The following NGFR variants were observed in gnomAD, a reference collection of about 807,000 sequenced individuals.
NGFR encodes the protein nerve growth factor receptor.
NGFR carries 30 observed loss-of-function variants against 43.2 expected under a neutral mutation model. The observed-to-expected ratio is 0.69, with a 90% CI of 0.52 to 0.94. The LOEUF is 0.94. NGFR is among the 40% of genes least tolerant of loss of function. NGFR has a pLI of 0.00. For synonymous variants in NGFR, 246 were observed against 259.6 expected (o/e 0.95, Z 0.50); for missense variants, 529 against 602.5 (o/e 0.88, Z 1.28).
chr17:49,508,690 A>T (rs1597863107), intron 3 of NGFR, among the ~76,000 whole-genome samples: 1 of 152,136 alleles, frequency 6.6e-6, no homozygotes, highest in East Asian at 1.9e-4. Context: ...GGCTGTCAGG[A>T]CCTGCCAAGG....
At chr17:49,506,687 T>TGGGGGTGC (rs1253125411) in intron 3 of NGFR, 29 bp downstream of exon 3, 2 of 128,440 alleles carry the variant, frequency 1.6e-5, no homozygotes, top group African/African-American at 2.5e-4. Flanking sequence ...GCGGGGGGAG[T>TGGGGGTGC]GGGGGTGCGG....
chr17:49,497,152 G>C (rs1322683775), intron 1 of NGFR: 1 of 152,228 alleles, frequency 6.6e-6, no homozygotes, highest in Non-Finnish European at 1.5e-5. Context: ...GGTCACGGCT[G>C]CGTTTCCCAG....
Position 49,506,969 on chromosome 17 carries a change from C to T in NGFR, c.568+311C>T, listed in dbSNP as rs1038827718. 9.8e-5 allele frequency among the ~76,000 whole-genome samples: 15 copies of T among 152,324 alleles called. No individual in the cohort carries two copies. In the South Asian group the frequency reaches 2.3e-3, roughly 23 times the overall value. On this transcript the variant is annotated intron_variant, in intron 3 of 5. Coordinates refer to ENST00000172229, the MANE Select transcript of NGFR (RefSeq NM_002507.4). The stretch of plus-strand genomic sequence containing the variant: ...GTAACTCATCCTCCGGGACGCATTT[C>T]TCTGTGGCTTCCCGCTAGTGATTAG...
At chr17:49,504,821 G>C (rs2071187647) in intron 2 of NGFR, among the ~76,000 whole-genome samples, 1 of 140,604 alleles carries the variant, frequency 7.1e-6, no homozygotes, top group Non-Finnish European at 1.5e-5. Flanking sequence ...ACCCAGGCTG[G>C]AGTGCACTGG....
At position 49,512,949 on chromosome 17, in the gene NGFR, C is replaced by G. The variant is rs763059142; in HGVS notation, c.1224C>G (p.Ile408Met). 6.2e-7 allele frequency: 1 copy of G among 1,609,830 alleles called. No individual in the cohort carries two copies. Among genetic ancestry groups the G allele is most frequent in the Non-Finnish European group, 8.5e-7 (1 of 1,178,234 alleles). ...LDALLAALRR[I>M]QRADLVESLC... Reference sequence around the variant, plus strand: ...CCCTCCTGGCCGCCCTGCGCCGCATCCAGCGAGCCGACCTCGTGGAGAGTC... The same window carrying G: ...CCCTCCTGGCCGCCCTGCGCCGCATGCAGCGAGCCGACCTCGTGGAGAGTC... Residue 408 changes from isoleucine to methionine, a missense_variant, in exon 6 of 6, where the codon ATC becomes ATG. Transcript: ENST00000172229. The surrounding 1 kb of genome is among the most constrained non-coding windows in gnomAD (Gnocchi z 5.2).
In NGFR at chr17:49,495,854, G is replaced by C; in HGVS notation, c.66+371G>C. The stretch of plus-strand genomic sequence containing the variant: ...GAAGGGACTTTCCCCTCAGCATCTC[G>C]GTCTCTGGAGAGTCGTGGGACAGAA... On this transcript the variant is annotated intron_variant, in intron 1 of 5. Coordinates refer to ENST00000172229, the MANE Select transcript of NGFR (RefSeq NM_002507.4). This position sits in a 1 kb window ranked among gnomAD's most constrained non-coding sequence, Gnocchi z 6.4. 4.3e-6 allele frequency: 1 copy of C among 232,876 alleles called. No homozygotes were observed. The highest frequency in any genetic ancestry group is 8.3e-6 in the Non-Finnish European group (1 of 120,338). 14.4% of individuals were successfully genotyped at this position (232,876 alleles called of 1,614,324 possible).
chr17:49,508,022 G>C (rs2071209959), intron 3 of NGFR, among the ~76,000 whole-genome samples: 1 of 152,366 alleles, frequency 6.6e-6, no homozygotes, highest in East Asian at 1.9e-4. Flanking sequence ...GGCTTTAGGA[G>C]CTCAGGATGG....
Position 49,506,092 on chromosome 17 carries a change from C to G in NGFR, c.209-207C>G, listed in dbSNP as rs780369810. On this transcript the variant is annotated intron_variant, in intron 2 of 5. Coordinates refer to ENST00000172229, the MANE Select transcript of NGFR (RefSeq NM_002507.4). ...CTTCTGGAGCCTGGAGGATGCGGCTCCGGGCCTCCTCCCCCTTTCCCAGTT... is the reference window on the plus strand; with the variant it reads ...CTTCTGGAGCCTGGAGGATGCGGCTGCGGGCCTCCTCCCCCTTTCCCAGTT... 4 of 996,510 alleles carry G rather than the reference C, an allele frequency of 4.0e-6. No homozygotes were observed. The South Asian group carries it at 9.2e-5, about 23-fold the overall frequency. 61.7% of individuals were successfully genotyped at this position (996,510 alleles called of 1,614,324 possible). A position where few individuals can be genotyped will look rare whatever the true frequency, so the allele number is the denominator to read the frequency against.
intron 3 of NGFR, 141 bp from the exon 4 acceptor site, chr17:49,510,271 G>A (rs554890664): frequency 8.0e-5 from 99 of 1,235,128 alleles, no homozygotes; most frequent in Admixed American, 4.8e-4. Context: ...CATCATGCAC[G>A]CAATCCCAGC....
chr17:49,502,827 CCT>C (rs1491303428), intron 2 of NGFR, among the ~76,000 whole-genome samples: 320 of 128,188 alleles, frequency 2.5e-3, no homozygotes, highest in African/African-American at 9.0e-3. Flanking sequence ...TTCCTTCCTT[CCT>C]TCCTTCCTTC....
In NGFR at chr17:49,512,138, C is replaced by T. The variant is rs1050408889; in HGVS notation, c.982+86C>T. 18 of 1,479,386 alleles carry T rather than the reference C, an allele frequency of 1.2e-5. 1 individual carries two copies. Among genetic ancestry groups the T allele is most frequent in the South Asian group, 9.3e-5 (7 of 75,616 alleles). 91.6% of individuals were successfully genotyped at this position (1,479,386 alleles called of 1,614,324 possible). On this transcript the variant is annotated intron_variant, in intron 5 of 5. Transcript: ENST00000172229. The surrounding 1 kb of genome is among the most constrained non-coding windows in gnomAD (Gnocchi z 5.2). ...AAGATTAGACTCCAGGAAGGACTGT[C>T]GGGGGGGCGGCAGGGCTGGCTCAGC... is the stretch of plus-strand genomic sequence containing the variant.
At chr17:49,502,448 C>A (rs2071172510) in intron 2 of NGFR, among the ~76,000 whole-genome samples, 1 of 152,104 alleles carries the variant, frequency 6.6e-6, no homozygotes, top group South Asian at 2.1e-4. Flanking sequence ...CAAGGGGTGC[C>A]CATTCCCAGC....
In NGFR at chr17:49,511,519, G is replaced by GTTT. The variant is rs761370884; in HGVS notation, c.822-361_822-359dup. Among the ~76,000 whole-genome samples, 88 of 141,472 alleles carry GTTT rather than the reference G, an allele frequency of 6.2e-4. 1 individual carries two copies. The highest frequency in any genetic ancestry group is 2.4e-3 in the South Asian group (11 of 4,494). The allele number at this position is 141,472 out of a possible 152,430, so 92.8% of individuals were successfully genotyped here. A position where few individuals can be genotyped will look rare whatever the true frequency, so the allele number is the denominator to read the frequency against. On this transcript the variant is annotated intron_variant, in intron 4 of 5. Transcript: ENST00000172229. ...AGCCAGTCCCCATTGATGGACATTTGTTTTTTTTTTTTTTCCAGTTTTTTG... is the reference window on the plus strand; with the variant it reads ...AGCCAGTCCCCATTGATGGACATTTGTTTTTTTTTTTTTTTTTCCAGTTTTTTG...
intron 1 of NGFR, among the ~76,000 whole-genome samples, chr17:49,499,657 G>A (rs1400329785): frequency 6.6e-6 from 1 of 152,000 alleles, no homozygotes; most frequent in Non-Finnish European, 1.5e-5. Flanking sequence ...GCACGATCTC[G>A]ACTCACTGCA....
chr17:49,513,329 C>A lies in NGFR; in HGVS notation c.*320C>A. 2.6e-6 allele frequency: 1 copy of A among 381,696 alleles called. No individual in the cohort carries two copies. The highest frequency in any genetic ancestry group is 5.2e-5 in the South Asian group (1 of 19,144). 23.6% of individuals were successfully genotyped at this position (381,696 alleles called of 1,614,324 possible). On this transcript the variant is annotated 3_prime_UTR_variant, in exon 6 of 6. Coordinates refer to ENST00000172229, the MANE Select transcript of NGFR (RefSeq NM_002507.4). ...CTAGGTGGGCCAGCCCCTCCCACCACAGCAGGTGTCATATATGGGGGGCCA... is the reference window on the plus strand; with the variant it reads ...CTAGGTGGGCCAGCCCCTCCCACCAAAGCAGGTGTCATATATGGGGGGCCA...
Position 49,506,429 on chromosome 17 carries a change from C to G in NGFR, c.339C>G (p.Tyr113Ter). The G allele has an allele frequency of 3.7e-6, 6 of 1,607,110 alleles. No homozygotes were observed. The highest frequency in any genetic ancestry group is 4.2e-6 in the Non-Finnish European group (5 of 1,178,762). Residue 113 changes from tyrosine (Y) to a stop codon, truncating the protein, a stop_gained, in exon 3 of 6, where the codon TAC (tyrosine) becomes TAG (stop). Coordinates refer to ENST00000172229, the MANE Select transcript of NGFR (RefSeq NM_002507.4). LOFTEE classifies it high-confidence loss of function. ...DDAVCRCAYG[Y>*]YQDETTGRCE... The stretch of plus-strand genomic sequence containing the variant: ...CCGTGTGCCGCTGCGCCTACGGCTA[C>G]TACCAGGATGAGACGACTGGGCGCT...
chr17:49,504,056 C>A (rs1053994661), intron 2 of NGFR, among the ~76,000 whole-genome samples: 4 of 152,158 alleles, frequency 2.6e-5, no homozygotes, highest in African/African-American at 9.7e-5. Context: ...CCCTCCTCCA[C>A]CTCCAGCTGC....
At chr17:49,506,685 A>AGGGGGGGGG in intron 3 of NGFR, 27 bp downstream of exon 3, 2 of 126,122 alleles carry the variant, frequency 1.6e-5, no homozygotes, top group Non-Finnish European at 2.1e-5. Flanking sequence ...GGGCGGGGGG[A>AGGGGGGGGG]GTGGGGGTGC....
chr17:49,505,168 C>G (rs2071189726), intron 2 of NGFR, among the ~76,000 whole-genome samples: 1 of 151,972 alleles, frequency 6.6e-6, no homozygotes, highest in African/African-American at 2.4e-5. Context: ...ACCCCTTGCT[C>G]CATCTTGTCT....
Sources: allele counts gnomAD v4.1 joint callset (sites outside exome capture counted in the v4.1 genomes callset), GRCh38; gene constraint gnomAD v4.1.1; non-coding constraint Gnocchi (gnomAD v3.1); transcripts MANE v1.5; gene names NCBI Gene and HGNC (gene_info 2026-07-23, HGNC 2026-07-21).